DLG2: variants seen among roughly 807,000 people sequenced by gnomAD.
The protein encoded by DLG2 is disks large homolog 2.
In DLG2, 45 loss-of-function variants were observed where a neutral mutation model predicts 132.5. That is an observed-to-expected ratio of 0.34 (90% CI 0.27 to 0.44). The LOEUF is 0.44. Ranked by LOEUF, DLG2 falls within the 20% of genes least tolerant of loss-of-function variation. The pLI is 1.00. For synonymous variants in DLG2, 424 were observed against 419.6 expected, an observed-to-expected ratio of 1.01 and a Z score of -0.13; for missense variants, 1,045 against 1,196.9, an observed-to-expected ratio of 0.87 and a Z score of 1.87.
chr11:83,945,118 T>C (rs2083512935), intron 14 of DLG2, among the ~76,000 whole-genome samples: 1 of 152,110 alleles, frequency 6.6e-6, no homozygotes, highest in Non-Finnish European at 1.5e-5. Flanking sequence ...TACATATAGC[T>C]TTTGCATAAT....
chr11:84,773,549 C>A (rs2069806073), intron 6 of DLG2, among the ~76,000 whole-genome samples: 1 of 152,180 alleles, frequency 6.6e-6, no homozygotes, highest in South Asian at 2.1e-4. Context: ...CTGAATCCAG[C>A]AGCACAGCAA....
chr11:83,750,949 G>T (rs1240775090), intron 18 of DLG2, among the ~76,000 whole-genome samples: 1 of 152,124 alleles, frequency 6.6e-6, no homozygotes, highest in East Asian at 1.9e-4. Flanking sequence ...GGCACTAGAG[G>T]TTCAACAGTG....
chr11:83,997,730 C>CA (rs71066079), intron 11 of DLG2, among the ~76,000 whole-genome samples: 4 of 24,774 alleles, frequency 1.6e-4, no homozygotes, highest in African/African-American at 4.5e-4. Flanking sequence ...GACTCCATCT[C>CA]AAAAAAAAAA....
chr11:83,761,258 C>A (rs563959203), intron 18 of DLG2, among the ~76,000 whole-genome samples: 22 of 152,172 alleles, frequency 1.4e-4, no homozygotes, highest in African/African-American at 5.3e-4. Context: ...AAGGACACCC[C>A]GTCTAGGAGG....
chr11:85,430,155 A>G (rs191843663), intron 3 of DLG2, among the ~76,000 whole-genome samples: 1 of 147,998 alleles, frequency 6.8e-6, no homozygotes, highest in African/African-American at 2.5e-5. Context: ...TGGAAATTGA[A>G]CAATGAGAGC....
chr11:83,652,182 G>C (rs1032167045), intron 18 of DLG2, among the ~76,000 whole-genome samples: 1 of 152,142 alleles, frequency 6.6e-6, no homozygotes, highest in African/African-American at 2.4e-5. Context: ...CCCCAGCTTG[G>C]AGCCACAAAG....
chr11:84,908,638 G>A (rs916127647), intron 6 of DLG2, among the ~76,000 whole-genome samples: 1 of 151,848 alleles, frequency 6.6e-6, no homozygotes, highest in African/African-American at 2.4e-5. Flanking sequence ...AAGAAAGACT[G>A]GGAATTAGTT....
intron 3 of DLG2, among the ~76,000 whole-genome samples, chr11:85,370,515 G>A (rs2084895548): frequency 1.3e-5 from 2 of 152,290 alleles, no homozygotes; most frequent in African/African-American, 4.8e-5. Context: ...TGCATAACAA[G>A]GTTTTCCTAT....
intron 6 of DLG2, among the ~76,000 whole-genome samples, chr11:84,771,305 A>G (rs2069343800): frequency 6.6e-6 from 1 of 152,152 alleles, no homozygotes; most frequent in Non-Finnish European, 1.5e-5. Flanking sequence ...TTTTAATAAT[A>G]GCCATTCTAA....
At chr11:84,796,769 T>A (rs2153950264) in intron 6 of DLG2, among the ~76,000 whole-genome samples, 1 of 152,144 alleles carries the variant, frequency 6.6e-6, no homozygotes, top group Non-Finnish European at 1.5e-5. Context: ...ACCAGACATA[T>A]TGGAGCTCCT....
intron 7 of DLG2, among the ~76,000 whole-genome samples, chr11:84,452,941 T>C (rs554294122): frequency 6.6e-6 from 1 of 151,652 alleles, no homozygotes; most frequent in South Asian, 2.1e-4. Flanking sequence ...CAGAAAAATA[T>C]ATTTAAAAAA....
intron 8 of DLG2, among the ~76,000 whole-genome samples, chr11:84,220,869 C>A (rs1314540347): frequency 7.9e-3 from 3 of 378 alleles, no homozygotes; most frequent in African/African-American, 0.023. Context: ...GCAGTTTTCA[C>A]CTCCAGGCTC....
chr11:84,099,637 G>T (rs546387473), intron 9 of DLG2, among the ~76,000 whole-genome samples: 7 of 151,476 alleles, frequency 4.6e-5, no homozygotes, highest in South Asian at 2.1e-4. Flanking sequence ...AATAGAAAAG[G>T]CATGCAATAG....
intron 6 of DLG2, among the ~76,000 whole-genome samples, chr11:84,611,247 A>G (rs1168840621): frequency 6.6e-6 from 1 of 152,152 alleles, no homozygotes; most frequent in Non-Finnish European, 1.5e-5. Context: ...AGGTCAGCAA[A>G]CATTTATTTT....
At chr11:84,530,682 C>T (rs1365308171) in intron 7 of DLG2, among the ~76,000 whole-genome samples, 1 of 152,136 alleles carries the variant, frequency 6.6e-6, no homozygotes, top group African/African-American at 2.4e-5. Flanking sequence ...GGTAGGAATA[C>T]CATTATTTCA....
intron 5 of DLG2, among the ~76,000 whole-genome samples, chr11:85,134,144 T>C (rs1242626625): frequency 2.0e-5 from 3 of 151,944 alleles, no homozygotes; most frequent in East Asian, 1.9e-4. Context: ...AGAAAATACA[T>C]AGTCAACTGG....
At chr11:84,512,317 A>C (rs2099259325) in intron 7 of DLG2, among the ~76,000 whole-genome samples, 1 of 152,160 alleles carries the variant, frequency 6.6e-6, no homozygotes, top group African/African-American at 2.4e-5. Context: ...GTAAATATTT[A>C]CCAAGAACTT....
intron 18 of DLG2, among the ~76,000 whole-genome samples, chr11:83,760,656 C>A (rs117315869): frequency 6.6e-6 from 1 of 151,996 alleles, no homozygotes; most frequent in East Asian, 1.9e-4. Context: ...GCTCCTGGCC[C>A]ACCATCTCCA....
intron 6 of DLG2, among the ~76,000 whole-genome samples, chr11:84,849,856 A>G (rs1599720178): frequency 6.6e-6 from 1 of 152,248 alleles, no homozygotes; most frequent in South Asian, 2.1e-4. Flanking sequence ...CCCCACTTCT[A>G]CACCTAGACA....
Sources: allele counts gnomAD v4.1 joint callset (sites outside exome capture counted in the v4.1 genomes callset), GRCh38; gene constraint gnomAD v4.1.1; transcripts MANE v1.5; gene names NCBI Gene and HGNC (gene_info 2026-07-23, HGNC 2026-07-21).